The following FAF1 variants were observed in gnomAD, a reference collection of about 807,000 sequenced individuals.
FAF1 encodes the protein FAS-associated factor 1.
In FAF1, 25 loss-of-function variants were observed where a neutral mutation model predicts 92.5. That is an observed-to-expected ratio of 0.27 (90% CI 0.20 to 0.38). The LOEUF is 0.38. FAF1 is among the 10% of genes least tolerant of loss of function. FAF1 has a pLI of 1.00. For synonymous variants in FAF1, 234 were observed against 273.2 expected (o/e 0.86, Z 1.42); for missense variants, 636 against 793.3 (o/e 0.80, Z 2.38).
At chr1:50,670,744 C>T (rs1299975354) in intron 7 of FAF1, among the ~76,000 whole-genome samples, 2 of 151,868 alleles carry the variant, frequency 1.3e-5, no homozygotes, top group African/African-American at 4.8e-5. Context: ...CCAGCCTGGG[C>T]AACATGGCAA....
intron 1 of FAF1, among the ~76,000 whole-genome samples, chr1:50,944,558 T>A (rs1002580522): frequency 6.6e-6 from 1 of 152,154 alleles, no homozygotes; most frequent in Admixed American, 6.5e-5. Context: ...TCTGGAAATG[T>A]CAGGCGCAAG....
intron 15 of FAF1, among the ~76,000 whole-genome samples, chr1:50,513,971 T>C (rs1149796): frequency 3.3e-5 from 5 of 152,188 alleles, no homozygotes; most frequent in Non-Finnish European, 5.9e-5. Context: ...TTCCAAACAG[T>C]GCAAATACAA....
At chr1:50,630,828 CTTTTTTTT>C (rs1052085908) in intron 8 of FAF1, among the ~76,000 whole-genome samples, 1 of 102,530 alleles carries the variant, frequency 9.8e-6, no homozygotes, top group Non-Finnish European at 1.9e-5. Context: ...TGTATCATAT[CTTTTTTTT>C]TTTTTTTTTT....
chr1:50,643,486 T>C (rs1168979649), intron 8 of FAF1, among the ~76,000 whole-genome samples: 1 of 152,214 alleles, frequency 6.6e-6, no homozygotes, highest in African/African-American at 2.4e-5. Flanking sequence ...TCACTGATCT[T>C]TTCTTGGGCA....
At chr1:50,926,078 G>A (rs1570148326) in intron 1 of FAF1, among the ~76,000 whole-genome samples, 1 of 152,212 alleles carries the variant, frequency 6.6e-6, no homozygotes, top group African/African-American at 2.4e-5. Flanking sequence ...TTAGCCAGAT[G>A]TGGTGATACA....
intron 8 of FAF1, among the ~76,000 whole-genome samples, chr1:50,612,829 G>T (rs1320989518): frequency 6.6e-6 from 1 of 152,184 alleles, no homozygotes; most frequent in African/African-American, 2.4e-5. Flanking sequence ...AATCCTTGCT[G>T]GCTCAGCCTA....
chr1:50,764,727 T>G (rs1660496603), intron 4 of FAF1, among the ~76,000 whole-genome samples: 1 of 152,226 alleles, frequency 6.6e-6, no homozygotes, highest in South Asian at 2.1e-4. Flanking sequence ...AGAGGTACTA[T>G]ATCAGTTATT....
At chr1:50,537,133 G>A (rs554216955) in intron 14 of FAF1, among the ~76,000 whole-genome samples, 16 of 152,074 alleles carry the variant, frequency 1.1e-4, no homozygotes, top group Non-Finnish European at 1.9e-4. Flanking sequence ...GGGTTTCTAT[G>A]TTTTATTTAA....
At chr1:50,800,711 C>G (rs1417055748) in intron 3 of FAF1, among the ~76,000 whole-genome samples, 1 of 152,198 alleles carries the variant, frequency 6.6e-6, no homozygotes, top group African/African-American at 2.4e-5. Flanking sequence ...AACAGCATGT[C>G]TTGCAGTTCA....
intron 13 of FAF1, among the ~76,000 whole-genome samples, chr1:50,564,600 C>A (rs909886980): frequency 6.6e-6 from 1 of 151,998 alleles, no homozygotes; most frequent in African/African-American, 2.4e-5. Flanking sequence ...TTTTGTTACT[C>A]AAAGTTAAAA....
At chr1:50,782,923 ACT>A (rs1661230990) in intron 4 of FAF1, among the ~76,000 whole-genome samples, 1 of 152,124 alleles carries the variant, frequency 6.6e-6, no homozygotes, top group Admixed American at 6.5e-5. Context: ...TTAAGGTGTT[ACT>A]TTTTATACCA....
chr1:50,651,630 C>T (rs1300958685), intron 8 of FAF1, among the ~76,000 whole-genome samples: 1 of 152,174 alleles, frequency 6.6e-6, no homozygotes, highest in Non-Finnish European at 1.5e-5. Flanking sequence ...TTAAACCATT[C>T]TAAGTATTAA....
intron 1 of FAF1, among the ~76,000 whole-genome samples, chr1:50,901,759 G>A (rs2124710279): frequency 6.6e-6 from 1 of 152,104 alleles, no homozygotes; most frequent in Admixed American, 6.5e-5. Context: ...CAGCTACTAG[G>A]GAAGGTGAGG....
intron 18 of FAF1, among the ~76,000 whole-genome samples, chr1:50,456,427 C>T (rs1646353349): frequency 6.6e-6 from 1 of 152,090 alleles, no homozygotes; most frequent in Non-Finnish European, 1.5e-5. Context: ...CTTCCAAGAC[C>T]ACCGTAAGGA....
chr1:50,637,712 T>TGC (rs1553123425), intron 8 of FAF1, among the ~76,000 whole-genome samples: 68 of 150,658 alleles, frequency 4.5e-4, no homozygotes, highest in African/African-American at 1.4e-3. Context: ...TGTGTGTGTG[T>TGC]GCGTGTGCAT....
At chr1:50,918,259 G>T in intron 1 of FAF1, among the ~76,000 whole-genome samples, 1 of 119,408 alleles carries the variant, frequency 8.4e-6, no homozygotes, top group Admixed American at 9.1e-5. Flanking sequence ...AGTTACATAT[G>T]TATACATGTG....
At chr1:50,567,051 T>A in intron 13 of FAF1, 26 bp downstream of exon 13, 1 of 1,497,762 alleles carries the variant, frequency 6.7e-7, no homozygotes, top group South Asian at 1.4e-5. Flanking sequence ...GAAGCCCAAC[T>A]TGTAACTTGT....
chr1:50,596,516 G>C (rs1301364734), intron 8 of FAF1, among the ~76,000 whole-genome samples: 1 of 152,144 alleles, frequency 6.6e-6, no homozygotes, highest in Non-Finnish European at 1.5e-5. Context: ...CTCAATGTGC[G>C]TCTGCTACTT....
intron 1 of FAF1, among the ~76,000 whole-genome samples, chr1:50,935,180 A>C (rs1645076451): frequency 6.6e-6 from 1 of 152,262 alleles, no homozygotes; most frequent in Admixed American, 6.5e-5. Flanking sequence ...AAAGGAGAGA[A>C]AAACAAAAAT....
Sources: gnomAD v4.1 joint callset for allele counts (sites outside exome capture counted in the v4.1 genomes callset) on GRCh38, gnomAD v4.1.1 for gene constraint, MANE v1.5 for transcripts, NCBI Gene and HGNC (gene_info 2026-07-23, HGNC 2026-07-21) for gene names.